The following RANBP2 variants were observed in gnomAD, a reference collection of about 807,000 sequenced individuals.
The protein encoded by RANBP2 is RAN binding protein 2.
A neutral mutation model predicts 303.6 loss-of-function variants in RANBP2; 57 were observed. The ratio of observed to expected loss-of-function variants is 0.19; its 90% CI spans 0.15 to 0.23. RANBP2 has a LOEUF of 0.23. RANBP2 is among the 10% of genes least tolerant of loss of function. RANBP2 has a pLI of 1.00. For missense variants in RANBP2, 3,138 were observed against 3,780.8 expected, an observed-to-expected ratio of 0.83 and a Z score of 4.46; for synonymous variants, 1,167 against 1,301.5, an observed-to-expected ratio of 0.90 and a Z score of 2.23.
At chr2:109,036,785 A>T in the RANBP2 span, among the ~76,000 whole-genome samples, 1 of 152,088 alleles carries the variant, frequency 6.6e-6, no homozygotes, top group Non-Finnish European at 1.5e-5. Flanking sequence ...AGATGGGCGG[A>T]TTGCTTGAGC....
At chr2:108,720,416 T>C (rs1283400047) in intron 1 of RANBP2, among the ~76,000 whole-genome samples, 2 of 152,088 alleles carry the variant, frequency 1.3e-5, no homozygotes, top group Non-Finnish European at 2.9e-5. Flanking sequence ...ATTTTTAACC[T>C]TTTCCACAAA....
chr2:109,158,098 G>C, the RANBP2 span, among the ~76,000 whole-genome samples: 3 of 152,144 alleles, frequency 2.0e-5, no homozygotes, highest in African/African-American at 4.8e-5. Context: ...CAAGCAAACA[G>C]AGGTGGCAAG....
chr2:109,433,895 C>G, the RANBP2 span, among the ~76,000 whole-genome samples: 3,951 of 152,310 alleles, frequency 0.026, 165 homozygotes, highest in African/African-American at 0.089. Context: ...CCCCCTCAAA[C>G]CCAGCCACCT....
the RANBP2 span, among the ~76,000 whole-genome samples, chr2:109,642,090 C>G: frequency 1.3e-5 from 2 of 149,786 alleles, no homozygotes; most frequent in Admixed American, 7.0e-5. Context: ...AGGAGTGAAC[C>G]AATTTTTTTT....
chr2:108,909,712 G>A, the RANBP2 span, among the ~76,000 whole-genome samples: 1 of 152,226 alleles, frequency 6.6e-6, no homozygotes, highest in South Asian at 2.1e-4. Context: ...CCATCCCACT[G>A]GATGAATAAA....
chr2:108,871,137 A>C, the RANBP2 span, among the ~76,000 whole-genome samples: 1 of 152,170 alleles, frequency 6.6e-6, no homozygotes, highest in Non-Finnish European at 1.5e-5. Flanking sequence ...GGATAGATAG[A>C]AGGAAATACT....
At chr2:109,544,607 GA>G in the RANBP2 span, 3 of 954,384 alleles carry the variant, frequency 3.1e-6, no homozygotes, top group Non-Finnish European at 3.7e-6. Context: ...TCATATAGGG[GA>G]AAAAATGGGA....
the RANBP2 span, among the ~76,000 whole-genome samples, chr2:109,049,394 A>G: frequency 6.6e-6 from 1 of 152,142 alleles, no homozygotes; most frequent in Non-Finnish European, 1.5e-5. Flanking sequence ...TTTACTGTAT[A>G]TTATCTTTAT....
chr2:108,850,737 C>T, the RANBP2 span, among the ~76,000 whole-genome samples: 1 of 152,174 alleles, frequency 6.6e-6, no homozygotes, highest in Non-Finnish European at 1.5e-5. Flanking sequence ...AGGCGTGAGC[C>T]ACTGCGCCTG....
At chr2:109,403,686 G>C in the RANBP2 span, among the ~76,000 whole-genome samples, 1 of 152,332 alleles carries the variant, frequency 6.6e-6, no homozygotes, top group South Asian at 2.1e-4. Context: ...TGGGGTGGAG[G>C]TGCAGGCTCC....
the RANBP2 span, among the ~76,000 whole-genome samples, chr2:108,875,887 A>G: frequency 6.6e-6 from 1 of 152,168 alleles, no homozygotes; most frequent in African/African-American, 2.4e-5. Context: ...TTTTTTCCCC[A>G]GTGGTTTTCT....
the RANBP2 span, chr2:108,911,128 C>G: frequency 1.2e-6 from 2 of 1,609,456 alleles, no homozygotes; most frequent in Non-Finnish European, 1.7e-6. Flanking sequence ...TGCTGGTCTT[C>G]CCTCCAGGAC....
chr2:109,468,902 G>A, the RANBP2 span, among the ~76,000 whole-genome samples: 1 of 150,454 alleles, frequency 6.6e-6, no homozygotes, highest in East Asian at 1.9e-4. Context: ...GCTTCTCATG[G>A]TGACGTTTTC....
chr2:109,487,286 A>G, the RANBP2 span, among the ~76,000 whole-genome samples: 1 of 152,168 alleles, frequency 6.6e-6, no homozygotes, highest in African/African-American at 2.4e-5. Flanking sequence ...CCTCTCCCCG[A>G]GTACATGCCA....
At chr2:108,731,719 T>C (rs1191099777) in intron 4 of RANBP2, 1 of 707,386 alleles carries the variant, frequency 1.4e-6, no homozygotes. Context: ...TTTTACAGTT[T>C]AGTAGCTGTA....
the RANBP2 span, among the ~76,000 whole-genome samples, chr2:109,296,399 T>TG: frequency 5.8e-3 from 884 of 151,796 alleles, 15 homozygotes; most frequent in African/African-American, 0.02. Flanking sequence ...AGTTTTTTTT[T>TG]TGTGTGTGTG....
At chr2:109,580,190 A>T in the RANBP2 span, among the ~76,000 whole-genome samples, 1 of 152,010 alleles carries the variant, frequency 6.6e-6, no homozygotes, top group Non-Finnish European at 1.5e-5. Context: ...GCAAAAAAAA[A>T]CTAAAAGAAA....
At chr2:109,126,272 A>G in the RANBP2 span, among the ~76,000 whole-genome samples, 152 of 152,218 alleles carry the variant, frequency 1.0e-3, no homozygotes, top group African/African-American at 3.3e-3. Context: ...TAAAGTGGAG[A>G]GAGAAGAAAG....
At chr2:109,564,549 A>G in the RANBP2 span, 5 of 1,479,088 alleles carry the variant, frequency 3.4e-6, no homozygotes, top group South Asian at 3.0e-5. Flanking sequence ...CCAAAAAAAA[A>G]TAAGAAAAGA....
Sources: gnomAD v4.1 joint callset for allele counts (sites outside exome capture counted in the v4.1 genomes callset) on GRCh38, gnomAD v4.1.1 for gene constraint, MANE v1.5 for transcripts, NCBI Gene and HGNC (gene_info 2026-07-23, HGNC 2026-07-21) for gene names.